IER3IP1: variants seen among roughly 807,000 people sequenced by gnomAD.
IER3IP1 encodes the protein immediate early response 3-interacting protein 1.
Under a neutral mutation model 12.2 loss-of-function variants are expected in IER3IP1, and 16 were observed. That is an observed-to-expected ratio of 1.31 (90% confidence interval 0.89 to 1.99). IER3IP1 has a LOEUF of 1.99. Ranked by LOEUF, IER3IP1 falls within the 30% of genes most tolerant of loss-of-function variation. IER3IP1 has a pLI of 0.00. For missense variants in IER3IP1, 95 were observed against 95.8 expected (o/e 0.99, Z 0.03); for synonymous variants, 42 against 40.0 (o/e 1.05, Z -0.19).
intron 1 of IER3IP1, among the ~76,000 whole-genome samples, chr18:47,174,794 T>G (rs1236044107): frequency 6.6e-6 from 1 of 152,118 alleles, no homozygotes; most frequent in East Asian, 1.9e-4. Flanking sequence ...AAGACCCTCT[T>G]CTCACCTGCC....
rs912317335 is a variant in IER3IP1, at chr18:47,172,064, G to A, written c.91+4123C>T. Among the ~76,000 whole-genome samples, 1 of 152,168 alleles carries A rather than the reference G, an allele frequency of 6.6e-6. No individual in the cohort carries two copies. Among genetic ancestry groups the A allele is most frequent in the African/African-American group, 2.4e-5 (1 of 41,436 alleles). On this transcript the variant is annotated intron_variant, in intron 1 of 2. Coordinates refer to ENST00000256433, the MANE Select transcript of IER3IP1 (RefSeq NM_016097.5). This position sits in a 1 kb window ranked among gnomAD's most constrained non-coding sequence, Gnocchi z 4.0. The stretch of plus-strand genomic sequence containing the variant: ...CCCAAAGTGCTGGGATTACAGGCAT[G>A]AGCCACGGTGCTGGGCCTTCTGTTT...
chr18:47,174,997 T>C (rs1817105930), intron 1 of IER3IP1, among the ~76,000 whole-genome samples: 1 of 152,226 alleles, frequency 6.6e-6, no homozygotes. Context: ...CTCTCTATAC[T>C]TGTTATTGTC....
At chr18:47,157,401 A>G in intron 2 of IER3IP1, 35 bp downstream of exon 2, 1 of 1,570,696 alleles carries the variant, frequency 6.4e-7, no homozygotes, top group South Asian at 1.1e-5. Context: ...CACAACATTA[A>G]AACTTAAGAA....
chr18:47,157,546 T>A lies in IER3IP1; in HGVS notation c.92-9A>T. On this transcript the variant is annotated splice_polypyrimidine_tract_variant and intron_variant, in intron 1 of 2. Transcript: ENST00000256433. ...GTCTGTTCCCCAGCCAACTGTATAATGTAAAGATTAGCTGTGTTAAAAGTT... is the reference window on the plus strand; with the variant it reads ...GTCTGTTCCCCAGCCAACTGTATAAAGTAAAGATTAGCTGTGTTAAAAGTT... The A allele has an allele frequency of 1.9e-6, 3 of 1,612,060 alleles. No individual in the cohort carries two copies. The highest frequency in any genetic ancestry group is 2.5e-6 in the Non-Finnish European group (3 of 1,178,114).
At chr18:47,164,060 CT>C (rs1269806254) in intron 1 of IER3IP1, among the ~76,000 whole-genome samples, 2 of 151,968 alleles carry the variant, frequency 1.3e-5, no homozygotes, top group Admixed American at 1.3e-4. Flanking sequence ...TCCCAGCAAT[CT>C]TTTTTTCTTT....
rs898736483 is a variant in IER3IP1 at position 47,155,627 on chromosome 18, C to T, written c.*550G>A. The T allele has an allele frequency of 6.6e-6, 1 of 152,168 alleles. No individual in the cohort carries two copies. The highest frequency in any genetic ancestry group is 2.4e-5 in the African/African-American group (1 of 41,362). The allele number at this position is 152,168 out of a possible 1,614,324, so 9.4% of individuals were successfully genotyped here. ...CCTGAAATCAGAGAATATTAATACT[C>T]AATAGTATGTATAAATTTGAATTTA... On this transcript the variant is annotated 3_prime_UTR_variant, in exon 3 of 3. Coordinates refer to ENST00000256433, the MANE Select transcript of IER3IP1 (RefSeq NM_016097.5).
rs979793425 is a variant in IER3IP1, at chr18:47,172,453, C to T, written c.91+3734G>A. ...AGGATTCTTTTCAGTCCTTAACTTA[C>T]AGTAGTCCTCCCCCTTAATCTTGGA... On this transcript the variant is annotated intron_variant, in intron 1 of 2. Transcript: ENST00000256433. This position sits in a 1 kb window ranked among gnomAD's most constrained non-coding sequence, Gnocchi z 4.0. Among the ~76,000 whole-genome samples the T allele has an allele frequency of 6.6e-6, 1 of 152,158 alleles. No homozygotes were observed. The highest frequency in any genetic ancestry group is 1.5e-5 in the Non-Finnish European group (1 of 68,024).
At chr18:47,159,581 T>C (rs553643792) in intron 1 of IER3IP1, among the ~76,000 whole-genome samples, 46 of 152,146 alleles carry the variant, frequency 3.0e-4, no homozygotes, top group African/African-American at 1.0e-3. Flanking sequence ...TTGTAAAAAA[T>C]CATGCTGACA....
At chr18:47,157,955 T>C (rs939546693) in intron 1 of IER3IP1, among the ~76,000 whole-genome samples, 3 of 152,208 alleles carry the variant, frequency 2.0e-5, no homozygotes, top group Middle Eastern at 3.2e-3. Context: ...CAATCATTAA[T>C]ATAAAAATGC....
intron 1 of IER3IP1, among the ~76,000 whole-genome samples, chr18:47,171,053 T>C (rs1459732893): frequency 6.7e-6 from 1 of 149,024 alleles, no homozygotes; most frequent in East Asian, 1.9e-4. Flanking sequence ...AGTTCCCTCC[T>C]ATTGTTAGTT....
At chr18:47,159,922 G>A (rs1318868553) in intron 1 of IER3IP1, among the ~76,000 whole-genome samples, 4 of 152,204 alleles carry the variant, frequency 2.6e-5, no homozygotes, top group Admixed American at 6.5e-5. Context: ...TTGGCCGGGC[G>A]CGGTGGCTCA....
chr18:47,173,630 C>T (rs2064022247), intron 1 of IER3IP1, among the ~76,000 whole-genome samples: 1 of 152,154 alleles, frequency 6.6e-6, no homozygotes, highest in Non-Finnish European at 1.5e-5. Flanking sequence ...GCCACCATGC[C>T]CAGCCTCTAC....
chr18:47,157,620 G>T, intron 1 of IER3IP1, 83 bp from the exon 2 acceptor site: 2 of 1,216,020 alleles, frequency 1.6e-6, no homozygotes, highest in Non-Finnish European at 2.4e-6. Flanking sequence ...ATTAGTTTGA[G>T]ACCTTGTTAA....
At chr18:47,157,225 C>T in intron 2 of IER3IP1, 1 of 591,974 alleles carries the variant, frequency 1.7e-6, no homozygotes. Flanking sequence ...TTATACTAAG[C>T]ATTCTATTTG....
intron 1 of IER3IP1, among the ~76,000 whole-genome samples, chr18:47,167,340 T>C (rs2668759): frequency 0.56 from 84,750 of 151,998 alleles, 23,782 homozygotes; most frequent in Middle Eastern, 0.61. Context: ...CATGAGCCAA[T>C]GCACCCGGCC....
intron 1 of IER3IP1, among the ~76,000 whole-genome samples, chr18:47,175,815 A>G (rs2064031074): frequency 6.6e-6 from 1 of 151,916 alleles, no homozygotes; most frequent in African/African-American, 2.4e-5. Flanking sequence ...GACTATTAAA[A>G]GTAGTCACAG....
In IER3IP1 at chr18:47,156,209, T is replaced by C. The variant is rs923756205; in HGVS notation, c.217A>G (p.Ile73Val). ...MRVPLIIVNSIAIVLLLLFG is the reference protein window; with the variant it reads ...MRVPLIIVNSVAIVLLLLFG ...AATAATAAAAGTAACACAATTGCAA[T>C]TGAGTTTACTATTATCAATGGCACT... is the stretch of plus-strand genomic sequence containing the variant. The change falls in exon 3 of 3, where the codon ATT becomes GTT. Residue 73 changes from isoleucine to valine, a missense_variant. Transcript: ENST00000256433. The C allele has an allele frequency of 3.2e-6, 5 of 1,568,612 alleles. No individual in the cohort carries two copies. Among genetic ancestry groups the C allele is most frequent in the East Asian group, 4.5e-5 (2 of 44,590 alleles).
chr18:47,173,154 G>C (rs755633642), intron 1 of IER3IP1, among the ~76,000 whole-genome samples: 1 of 152,100 alleles, frequency 6.6e-6, no homozygotes, highest in East Asian at 1.9e-4. Context: ...ATCTCAAACT[G>C]AGCATGACTA....
intron 1 of IER3IP1, among the ~76,000 whole-genome samples, chr18:47,169,277 T>C (rs1392926077): frequency 6.6e-6 from 1 of 152,252 alleles, no homozygotes; most frequent in Non-Finnish European, 1.5e-5. Context: ...TAATACTTCA[T>C]TACTTTTTTG....
Sources: gnomAD v4.1 joint callset for allele counts (sites outside exome capture counted in the v4.1 genomes callset) on GRCh38, gnomAD v4.1.1 for gene constraint, Gnocchi (gnomAD v3.1) non-coding constraint, MANE v1.5 for transcripts, NCBI Gene and HGNC (gene_info 2026-07-23, HGNC 2026-07-21) for gene names.